The following TNKS variants were observed in gnomAD, a reference collection of about 807,000 sequenced individuals.
TNKS encodes the protein poly [ADP-ribose] polymerase tankyrase-1.
In TNKS, 72 loss-of-function variants were observed where a neutral mutation model predicts 135.8. The ratio of observed to expected loss-of-function variants is 0.53; its 90% CI spans 0.44 to 0.64. TNKS has a LOEUF of 0.64. Ranked by LOEUF, TNKS falls within the 30% of genes least tolerant of loss-of-function variation. TNKS has a pLI of 0.00. For missense variants in TNKS, 1,769 were observed against 1,674.0 expected (o/e 1.06, Z -0.99); for synonymous variants, 849 against 649.3 (o/e 1.31, Z -4.68).
intron 3 of TNKS, among the ~76,000 whole-genome samples, chr8:9,639,524 T>C (rs954679644): frequency 1.3e-5 from 2 of 152,068 alleles, no homozygotes; most frequent in African/African-American, 4.8e-5. Context: ...TAAGCCTTTT[T>C]TTTTTTTGGC....
intron 1 of TNKS, among the ~76,000 whole-genome samples, chr8:9,561,486 T>C (rs565396417): frequency 2.0e-5 from 3 of 152,366 alleles, no homozygotes; most frequent in African/African-American, 4.8e-5. Flanking sequence ...TTAGTCTTTC[T>C]GTAAGACTTA....
At chr8:9,566,875 T>G (rs1481263195) in intron 1 of TNKS, among the ~76,000 whole-genome samples, 1 of 152,144 alleles carries the variant, frequency 6.6e-6, no homozygotes, top group Non-Finnish European at 1.5e-5. Flanking sequence ...CCCAAAGTGC[T>G]GGGATTACAG....
At chr8:9,626,696 A>C (rs1800067491) in intron 3 of TNKS, among the ~76,000 whole-genome samples, 1 of 152,180 alleles carries the variant, frequency 6.6e-6, no homozygotes, top group South Asian at 2.1e-4. Flanking sequence ...CTGCCACCTT[A>C]CAGTCAGTTG....
chr8:9,767,844 A>G (rs1481362993), intron 25 of TNKS, among the ~76,000 whole-genome samples: 1 of 151,812 alleles, frequency 6.6e-6, no homozygotes, highest in Non-Finnish European at 1.5e-5. Flanking sequence ...TTGTAGTCCA[A>G]GCTACTCGGG....
chr8:9,660,643 A>C (rs1801659576), intron 3 of TNKS, among the ~76,000 whole-genome samples: 1 of 152,178 alleles, frequency 6.6e-6, no homozygotes, highest in South Asian at 2.1e-4. Flanking sequence ...CTGAATGGAC[A>C]AAAACTGGAA....
intron 1 of TNKS, chr8:9,574,893 TC>T: frequency 3.5e-6 from 1 of 286,206 alleles, no homozygotes; most frequent in Non-Finnish European, 5.2e-6. Flanking sequence ...TTACTCACTC[TC>T]CCTTCTTGTC....
At position 9,655,844 on chromosome 8, in the gene TNKS, C is replaced by T. The variant is rs113746702; in HGVS notation, c.995-24107C>T. 8.9e-3 allele frequency among the ~76,000 whole-genome samples: 1,361 copies of T among 152,202 alleles called. 19 individuals carry two copies. Among genetic ancestry groups the T allele is most frequent in the African/African-American group, 0.031 (1,272 of 41,506 alleles). On this transcript the variant is annotated intron_variant, in intron 3 of 26. Transcript: ENST00000310430. ...TCTAAAAATCAAAGCGCCTCTCGTC[C>T]TCCAAAGGAACGCAGCTCCTCACCA...
chr8:9,632,726 C>G (rs1413408996), intron 3 of TNKS, among the ~76,000 whole-genome samples: 1 of 152,060 alleles, frequency 6.6e-6, no homozygotes, highest in African/African-American at 2.4e-5. Context: ...TGTTACTACT[C>G]TATATTGTTC....
intron 3 of TNKS, among the ~76,000 whole-genome samples, chr8:9,646,061 T>G (rs1024803114): frequency 6.6e-6 from 1 of 152,164 alleles, no homozygotes; most frequent in Non-Finnish European, 1.5e-5. Flanking sequence ...ATCTCTTCAT[T>G]TTAGAAATTC....
At chr8:9,744,336 T>C (rs1333827759) in intron 17 of TNKS, among the ~76,000 whole-genome samples, 1 of 152,234 alleles carries the variant, frequency 6.6e-6, no homozygotes, top group Non-Finnish European at 1.5e-5. Context: ...ATCAATTGAC[T>C]GATTCATTTT....
intron 5 of TNKS, among the ~76,000 whole-genome samples, chr8:9,703,154 T>C (rs900026343): frequency 3.3e-5 from 5 of 152,206 alleles, no homozygotes; most frequent in African/African-American, 1.2e-4. Flanking sequence ...CCAAACCCTA[T>C]ATATGGTTTT....
At chr8:9,722,298 G>C (rs1804926441) in intron 12 of TNKS, 1 of 152,080 alleles carries the variant, frequency 6.6e-6, no homozygotes, top group African/African-American at 2.4e-5. Flanking sequence ...ATTATGATAT[G>C]TGTATATTGT....
intron 7 of TNKS, 112 bp from the exon 8 acceptor site, chr8:9,706,699 C>A: frequency 3.0e-6 from 3 of 1,009,928 alleles, no homozygotes; most frequent in African/African-American, 1.7e-5. Context: ...GAAATTAAAA[C>A]ACTTATTTGA....
At chr8:9,635,580 G>C (rs1033029293) in intron 3 of TNKS, among the ~76,000 whole-genome samples, 2 of 152,162 alleles carry the variant, frequency 1.3e-5, no homozygotes, top group African/African-American at 2.4e-5. Flanking sequence ...AATTACTTGG[G>C]AGAAACTATA....
chr8:9,616,891 A>G (rs1488488670), intron 3 of TNKS, among the ~76,000 whole-genome samples: 3 of 152,196 alleles, frequency 2.0e-5, no homozygotes, highest in Non-Finnish European at 4.4e-5. Context: ...CAGATTCTAC[A>G]GCCTTTCAGT....
At chr8:9,556,964 GT>G in intron 1 of TNKS, 1 of 442,230 alleles carries the variant, frequency 2.3e-6, no homozygotes. Context: ...TTGTGTGCTA[GT>G]TTATTTTGTT....
rs142076288 is a variant in TNKS, at chr8:9,776,780, C to T, written c.*44C>T. Reference sequence around the variant, plus strand: ...GGCCAGATCAGATTTCAACCTGGGACTGGATTACAGAGGATTGTTTCTAAT... The same window carrying T: ...GGCCAGATCAGATTTCAACCTGGGATTGGATTACAGAGGATTGTTTCTAAT... On this transcript the variant is annotated 3_prime_UTR_variant, in exon 27 of 27. Coordinates refer to ENST00000310430, the MANE Select transcript of TNKS (RefSeq NM_003747.3). 5.1e-6 allele frequency: 8 copies of T among 1,557,648 alleles called. No homozygotes were observed. The highest frequency in any genetic ancestry group is 7.1e-6 in the Non-Finnish European group (8 of 1,129,194).
chr8:9,772,423 T>TGTAA (rs1263253242), intron 26 of TNKS: 1 of 455,552 alleles, frequency 2.2e-6, no homozygotes, highest in Non-Finnish European at 4.4e-6. Flanking sequence ...AAATACATGA[T>TGTAA]GTAAGTCTAA....
chr8:9,735,337 T>G (rs1382237288), intron 16 of TNKS, 40 bp from the exon 17 acceptor site: 21 of 1,577,332 alleles, frequency 1.3e-5, no homozygotes, highest in Non-Finnish European at 1.8e-5. Context: ...TTTTTTCCTT[T>G]AAGCTGACAC....
Sources: allele counts gnomAD v4.1 joint callset (sites outside exome capture counted in the v4.1 genomes callset), GRCh38; gene constraint gnomAD v4.1.1; transcripts MANE v1.5; gene names NCBI Gene and HGNC (gene_info 2026-07-23, HGNC 2026-07-21).